The following SEC23A variants were observed in gnomAD, a reference collection of about 807,000 sequenced individuals.
SEC23A encodes protein transport protein Sec23A.
Under a neutral mutation model 103.7 loss-of-function variants are expected in SEC23A, and 56 were observed. That is an observed-to-expected ratio of 0.54 (90% CI 0.44 to 0.67). The LOEUF (loss-of-function observed/expected upper bound fraction) is 0.67. Ranked by LOEUF, SEC23A falls within the 30% of genes least tolerant of loss-of-function variation. SEC23A has a pLI of 0.00. For synonymous variants in SEC23A, 281 were observed against 293.0 expected (o/e 0.96, Z 0.42); for missense variants, 784 against 936.4 (o/e 0.84, Z 2.12).
rs766979521 is a variant in SEC23A at position 39,033,330 on chromosome 14, T to C, written c.2209-2A>G. 1.4e-6 allele frequency: 2 copies of C among 1,458,970 alleles called. No individual in the cohort carries two copies. Among genetic ancestry groups the C allele is most frequent in the Non-Finnish European group, 1.8e-6 (2 of 1,098,500 alleles). 90.4% of individuals were successfully genotyped at this position (1,458,970 alleles called of 1,614,324 possible). On this transcript the variant is annotated splice_acceptor_variant, in intron 19 of 19. Transcript: ENST00000307712. LOFTEE classifies it high-confidence loss of function. ...TGTAAGAATAGGTGCTCCAGACTCC[T>C]AGAGGAAAAAAGATATTTGTTATGA...
At chr14:39,098,873 A>T (rs1169758646) in intron 1 of SEC23A, among the ~76,000 whole-genome samples, 2 of 151,902 alleles carry the variant, frequency 1.3e-5, no homozygotes, top group Non-Finnish European at 2.9e-5. Context: ...ATTAAGAAAA[A>T]ATAAAAATTC....
chr14:39,043,721 G>A (rs1321675230), intron 16 of SEC23A, among the ~76,000 whole-genome samples: 2 of 152,178 alleles, frequency 1.3e-5, no homozygotes, highest in Non-Finnish European at 2.9e-5. Flanking sequence ...CGGTGAGTGA[G>A]TAAGAGGAAA....
At position 39,076,036 on chromosome 14, in the gene SEC23A, G is replaced by A; in HGVS notation, c.886C>T (p.Gln296Ter). ...IMMFIGGPATQGPGMVVGDEL... is the reference protein window; with the variant it reads ...IMMFIGGPAT The stretch of plus-strand genomic sequence containing the variant: ...TCTCCAACCACCATTCCAGGCCCCT[G>A]AGTAGCAGGACCACCAATGAACATC... Residue 296 changes from glutamine to a stop codon, truncating the protein, a stop_gained, in exon 8 of 20, where the codon CAG becomes TAG. Transcript: ENST00000307712. LOFTEE classifies it high-confidence loss of function. 1 of 1,613,594 alleles carries A rather than the reference G, an allele frequency of 6.2e-7. No individual in the cohort carries two copies. The highest frequency in any genetic ancestry group is 8.5e-7 in the Non-Finnish European group (1 of 1,179,844).
intron 9 of SEC23A, among the ~76,000 whole-genome samples, chr14:39,067,697 G>T (rs926923897): frequency 1.6e-5 from 2 of 126,224 alleles, no homozygotes; most frequent in African/African-American, 6.1e-5. Context: ...TTCAGACAGG[G>T]TCTCACTCTG....
At chr14:39,061,039 G>C (rs1010244967) in intron 13 of SEC23A, among the ~76,000 whole-genome samples, 47 of 152,226 alleles carry the variant, frequency 3.1e-4, no homozygotes, top group African/African-American at 1.1e-3. Context: ...TAAATATTTA[G>C]AAACTGAGCA....
At position 39,076,080 on chromosome 14, in the gene SEC23A, T is replaced by C; in HGVS notation, c.842A>G (p.Asn281Ser). The C allele has an allele frequency of 6.2e-7, 1 of 1,612,174 alleles. No homozygotes were observed. Among genetic ancestry groups the C allele is most frequent in the Middle Eastern group, 1.7e-4 (1 of 6,060 alleles). ...AVGLLECTFPNTGARIMMFIG... is the reference protein window; with the variant it reads ...AVGLLECTFPSTGARIMMFIG... Reference sequence around the variant, plus strand: ...GAACATCATGATACGAGCACCAGTGTTGGGAAAAGTACACTATTAAAAAAA... The same window carrying C: ...GAACATCATGATACGAGCACCAGTGCTGGGAAAAGTACACTATTAAAAAAA... The change falls in exon 8 of 20, where the codon AAC (asparagine) becomes AGC (serine). Residue 281 changes from asparagine (N) to serine (S), a missense_variant. Around this residue, in one of 2 missense-constraint regions of SEC23A, gnomAD observed 683 missense variants for 774.2 expected, o/e 0.88. Coordinates refer to ENST00000307712, the MANE Select transcript of SEC23A (RefSeq NM_006364.4).
chr14:39,096,110 G>C lies in SEC23A; in HGVS notation c.9C>G (p.Thr3=). 1 of 1,610,064 alleles carries C rather than the reference G, an allele frequency of 6.2e-7. No individual in the cohort carries two copies. Among genetic ancestry groups the C allele is most frequent in the Non-Finnish European group, 8.5e-7 (1 of 1,176,408 alleles). Residue 3 remains threonine (T), a synonymous_variant, in exon 2 of 20, where the codon ACC becomes ACG. Transcript: ENST00000307712. MT[T]YLEFIQQNEE... ...CATTTTGTTGAATGAATTCCAAATAGGTTGTCATTGTGGAGTTTGATTCTT... is the reference window on the plus strand; with the variant it reads ...CATTTTGTTGAATGAATTCCAAATACGTTGTCATTGTGGAGTTTGATTCTT...
intron 18 of SEC23A, chr14:39,040,495 A>G (rs1885602552): frequency 1.8e-6 from 1 of 561,580 alleles, no homozygotes; most frequent in Non-Finnish European, 3.2e-6. Context: ...CCTGTTCAGG[A>G]AGCTAGGCTA....
rs1423153965 is a variant in SEC23A, at chr14:39,094,389, CACACACACATATATATATATAT to C, written c.222-1167_222-1146del. On this transcript the variant is annotated intron_variant, in intron 2 of 19. Transcript: ENST00000307712. ...ATATATATATACACACACACACACA[CACACACACATATATATATATAT>C]ATATATATATATATATATATATATA... is the stretch of plus-strand genomic sequence containing the variant. 2.2e-4 allele frequency among the ~76,000 whole-genome samples: 11 copies of C among 50,208 alleles called. 1 individual carries two copies. The highest frequency in any genetic ancestry group is 7.7e-4 in the African/African-American group (10 of 13,036). The allele number at this position is 50,208 out of a possible 152,430, so 32.9% of individuals were successfully genotyped here. A position where few individuals can be genotyped will look rare whatever the true frequency, so the allele number is the denominator to read the frequency against.
chr14:39,055,096 C>T lies in SEC23A; in HGVS notation c.1659+47G>A, dbSNP rs1294558323. On this transcript the variant is annotated intron_variant, in intron 14 of 19. Coordinates refer to ENST00000307712, the MANE Select transcript of SEC23A (RefSeq NM_006364.4). ...GATTATCTGCAACAAACATTTACTACAAATGAAAGCATACAGATTTAGAAA... is the reference window on the plus strand; with the variant it reads ...GATTATCTGCAACAAACATTTACTATAAATGAAAGCATACAGATTTAGAAA... 2.5e-6 allele frequency: 4 copies of T among 1,608,650 alleles called. No homozygotes were observed. The African/African-American group carries it at 4.0e-5, about 16-fold the overall frequency.
chr14:39,036,277 G>A (rs988291312), intron 19 of SEC23A, among the ~76,000 whole-genome samples: 9 of 134,038 alleles, frequency 6.7e-5, no homozygotes, highest in Non-Finnish European at 9.1e-5. Flanking sequence ...AGTCGAGATC[G>A]CGTCACTACA....
At chr14:39,065,352 C>T (rs1886621718) in intron 10 of SEC23A, among the ~76,000 whole-genome samples, 2 of 152,064 alleles carry the variant, frequency 1.3e-5, no homozygotes, top group African/African-American at 2.4e-5. Context: ...CAAGATTGGT[C>T]TCCCCCCAGT....
At chr14:39,095,138 G>A in intron 2 of SEC23A, 1 of 601,940 alleles carries the variant, frequency 1.7e-6, no homozygotes. Flanking sequence ...GGCTGTAAGA[G>A]ACAGAATCTA....
intron 19 of SEC23A, among the ~76,000 whole-genome samples, chr14:39,034,855 C>T (rs571533475): frequency 6.6e-6 from 1 of 152,270 alleles, no homozygotes; most frequent in East Asian, 1.9e-4. Context: ...GCAACAGAGG[C>T]CTCCAGCACT....
chr14:39,085,721 C>CACACACAT (rs1566508361), intron 7 of SEC23A, 41 bp downstream of exon 7: 7 of 1,487,194 alleles, frequency 4.7e-6, no homozygotes, highest in Non-Finnish European at 6.5e-6. Context: ...CACACACACA[C>CACACACAT]ACACACACTT....
In SEC23A at chr14:39,086,962, C is replaced by T. The variant is rs756290411; in HGVS notation, c.650G>A (p.Gly217Asp). ...SKVPLTQATRGPQVQQPPPSN... is the reference protein window; with the variant it reads ...SKVPLTQATRDPQVQQPPPSN... ...AGGAGGTGGCTGCTGTACCTGAGGA[C>T]CACGTGTTGCTTGAGTAAGTGGTAC... The change falls in exon 6 of 20, where the codon GGT becomes GAT. Residue 217 changes from glycine to aspartate, a missense_variant. Physicochemically the swap from Gly to Asp is moderately conservative, Grantham distance 94. Around this residue, in one of 2 missense-constraint regions of SEC23A, gnomAD observed 683 missense variants for 774.2 expected, o/e 0.88. Transcript: ENST00000307712. The T allele has an allele frequency of 2.5e-6, 4 of 1,597,704 alleles. No individual in the cohort carries two copies. In the South Asian group the frequency reaches 4.4e-5, roughly 18 times the overall value.
In SEC23A at chr14:39,048,698, T is replaced by A; in HGVS notation, c.1691A>T (p.Asp564Val). The part of the protein sequence containing the change: ...CQKFGEYHKD[D>V]PSSFRFSETF... ...TTCTGAAAATCTGAAGGAACTTGGGTCATCTTTATGATATTCTCCAAATTT... is the reference window on the plus strand; with the variant it reads ...TTCTGAAAATCTGAAGGAACTTGGGACATCTTTATGATATTCTCCAAATTT... The change falls in exon 15 of 20, where the codon GAC becomes GTC. Residue 564 changes from aspartate to valine, a missense_variant. Physicochemically the swap from Asp to Val is radical, Grantham distance 152 (BLOSUM62 -3). Coordinates refer to ENST00000307712, the MANE Select transcript of SEC23A (RefSeq NM_006364.4). The A allele has an allele frequency of 6.3e-7, 1 of 1,592,328 alleles. No individual in the cohort carries two copies.
rs534778779 is a variant in SEC23A at position 39,035,006 on chromosome 14, A to T, written c.2209-1678T>A. ...TTTAGTAAAATTCTTGGTTACTGTT[A>T]TTTCCTTTAAATGCAATCATCAAAT... is the stretch of plus-strand genomic sequence containing the variant. On this transcript the variant is annotated intron_variant, in intron 19 of 19. Transcript: ENST00000307712. Among the ~76,000 whole-genome samples the T allele has an allele frequency of 1.5e-4, 23 of 152,260 alleles. No individual in the cohort carries two copies. The South Asian group carries it at 4.8e-3, about 32-fold the overall frequency.
chr14:39,042,796 TA>T lies in SEC23A; in HGVS notation c.1975del (p.Tyr659IlefsTer6). 6.2e-7 allele frequency: 1 copy of T among 1,605,048 alleles called. No homozygotes were observed. The highest frequency in any genetic ancestry group is 8.5e-7 in the Non-Finnish European group (1 of 1,171,974). On this transcript the variant is annotated frameshift_variant, in exon 17 of 20. Transcript: ENST00000307712. LOFTEE classifies it high-confidence loss of function. ...LMDTFFQILI[Y>X]HGETIAQWRK... The stretch of plus-strand genomic sequence containing the variant: ...CTATTGAAATCTTACCTCACCATGA[TA>T]AATCAAAATCTGGAAGAATGTGTCC...
Sources: allele counts gnomAD v4.1 joint callset (sites outside exome capture counted in the v4.1 genomes callset), GRCh38; gene constraint gnomAD v4.1.1; regional missense constraint gnomAD v4.1.1; transcripts MANE v1.5; gene names NCBI Gene and HGNC (gene_info 2026-07-23, HGNC 2026-07-21).